The following RYR2 variants were observed in gnomAD, a reference collection of about 807,000 sequenced individuals.
RYR2 encodes the protein ryanodine receptor 2, also known as cardiac muscle ryanodine receptor-calcium release channel.
RYR2 carries 227 observed loss-of-function variants against 601.1 expected under a neutral mutation model. The observed-to-expected ratio is 0.38, with a 90% confidence interval of 0.34 to 0.42. The LOEUF is 0.42. Among genes scored for constraint, RYR2 ranks in the 10% least tolerant of loss-of-function variants. RYR2 has a pLI of 1.00. For missense variants in RYR2, 4,646 were observed against 6,156.5 expected (o/e 0.75, Z 8.21); for synonymous variants, 2,223 against 2,175.1 (o/e 1.02, Z -0.61).
In RYR2 at chr1:237,545,202, G is replaced by C. The variant is rs74150110; in HGVS notation, c.2907-3229G>C. Among the ~76,000 whole-genome samples, 936 of 152,300 alleles carry C rather than the reference G, an allele frequency of 6.1e-3. 8 individuals carry two copies. Among genetic ancestry groups the C allele is most frequent in the African/African-American group, 0.022 (900 of 41,568 alleles). On this transcript the variant is annotated intron_variant, in intron 25 of 104. Coordinates refer to ENST00000366574, the MANE Select transcript of RYR2 (RefSeq NM_001035.3). Reference sequence around the variant, plus strand: ...ATTAAAGCAATTCTAGAAGAAATCTGTATGGGAAGAAAACAATGTAGAAAA... The same window carrying C: ...ATTAAAGCAATTCTAGAAGAAATCTCTATGGGAAGAAAACAATGTAGAAAA...
intron 57 of RYR2, among the ~76,000 whole-genome samples, chr1:237,667,659 T>A (rs1362121326): frequency 6.6e-6 from 1 of 152,208 alleles, no homozygotes; most frequent in Admixed American, 6.5e-5. Context: ...ACATTATGAA[T>A]AACAATGACC....
At chr1:237,461,840 A>T (rs1304125169) in intron 16 of RYR2, among the ~76,000 whole-genome samples, 1 of 109,342 alleles carries the variant, frequency 9.1e-6, no homozygotes, top group Non-Finnish European at 2.1e-5. Context: ...GAATTATGAG[A>T]GTTTTTTTAA....
chr1:237,200,441 T>C (rs1214146658), intron 1 of RYR2, among the ~76,000 whole-genome samples: 2 of 152,146 alleles, frequency 1.3e-5, no homozygotes, highest in African/African-American at 4.8e-5. Context: ...ACTTTTGTAT[T>C]TTTAGTAGAG....
chr1:237,431,828 A>G (rs1404938391), intron 12 of RYR2, among the ~76,000 whole-genome samples: 2 of 152,164 alleles, frequency 1.3e-5, no homozygotes, highest in African/African-American at 2.4e-5. Context: ...GAGTGAATGC[A>G]CCTGGCCAAA....
chr1:237,310,061 C>T (rs186344341), intron 2 of RYR2, among the ~76,000 whole-genome samples: 2 of 152,332 alleles, frequency 1.3e-5, no homozygotes, highest in African/African-American at 4.8e-5. Flanking sequence ...AGGGCTCCCA[C>T]AGTGCAGCAG....
intron 37 of RYR2, among the ~76,000 whole-genome samples, chr1:237,616,664 T>G (rs1240616683): frequency 6.6e-6 from 1 of 152,154 alleles, no homozygotes; most frequent in African/African-American, 2.4e-5. Flanking sequence ...CCCTTATATA[T>G]TTCATTGGCC....
chr1:237,773,412 C>A, intron 86 of RYR2, 108 bp from the exon 87 acceptor site: 1 of 667,184 alleles, frequency 1.5e-6, no homozygotes, highest in Non-Finnish European at 2.5e-6. Context: ...TGTTTGCTAC[C>A]ATATCTATTA....
At chr1:237,364,706 A>G (rs1700057285) in intron 5 of RYR2, among the ~76,000 whole-genome samples, 2 of 73,300 alleles carry the variant, frequency 2.7e-5, no homozygotes, top group African/African-American at 9.4e-5. Context: ...ATATTGTAAC[A>G]TTATATTTAA....
intron 1 of RYR2, among the ~76,000 whole-genome samples, chr1:237,088,218 C>G (rs1666569634): frequency 1.3e-5 from 2 of 152,008 alleles, no homozygotes; most frequent in South Asian, 4.2e-4. Flanking sequence ...GCATGTCTGG[C>G]ATGTTTGCAT....
Position 237,454,384 on chromosome 1 carries a change from A to G in RYR2, c.1293-7A>G, listed in dbSNP as rs1185030643. On this transcript the variant is annotated splice_region_variant and splice_polypyrimidine_tract_variant and intron_variant, in intron 14 of 104. Transcript: ENST00000366574. ...GACAATAGAGAAATGTTTATGGTTT[A>G]TTTTAGGGGCCTTGATGCTCTCAGC... The G allele has an allele frequency of 6.3e-7, 1 of 1,593,434 alleles. No homozygotes were observed. The highest frequency in any genetic ancestry group is 8.5e-7 in the Non-Finnish European group (1 of 1,172,452).
intron 1 of RYR2, among the ~76,000 whole-genome samples, chr1:237,244,817 C>T (rs911963666): frequency 4.0e-5 from 6 of 151,712 alleles, no homozygotes; most frequent in Non-Finnish European, 4.4e-5. Context: ...GACAACGTAC[C>T]GCTTGAATTT....
intron 91 of RYR2, among the ~76,000 whole-genome samples, chr1:237,787,182 AAATTAATTAC>A (rs1657700857): frequency 6.6e-6 from 1 of 152,130 alleles, no homozygotes; most frequent in Non-Finnish European, 1.5e-5. Context: ...TTATTTAATA[AAATTAATTAC>A]AATTAATATA....
chr1:237,806,402 G>C (rs1222377807), intron 99 of RYR2, 119 bp downstream of exon 99: 6 of 965,006 alleles, frequency 6.2e-6, no homozygotes, highest in Non-Finnish European at 7.7e-6. Flanking sequence ...TTTGAAGGGA[G>C]GGTCTGCACC....
chr1:237,541,530 T>C (rs1052652193), intron 25 of RYR2, among the ~76,000 whole-genome samples: 1 of 152,190 alleles, frequency 6.6e-6, no homozygotes, highest in African/African-American at 2.4e-5. Flanking sequence ...CATACTATCA[T>C]ATTATACTTT....
chr1:237,340,164 C>T (rs1697635745), intron 3 of RYR2, among the ~76,000 whole-genome samples: 1 of 152,182 alleles, frequency 6.6e-6, no homozygotes, highest in South Asian at 2.1e-4. Context: ...TTGAGCCAAA[C>T]TAGGACCAAC....
At chr1:237,151,455 T>A (rs997417535) in intron 1 of RYR2, among the ~76,000 whole-genome samples, 6 of 152,190 alleles carry the variant, frequency 3.9e-5, no homozygotes, top group Admixed American at 1.3e-4. Flanking sequence ...TTAGCAATAA[T>A]TCAAATTAAG....
chr1:237,799,694 C>A (rs1160654546), intron 97 of RYR2, among the ~76,000 whole-genome samples: 1 of 152,120 alleles, frequency 6.6e-6, no homozygotes, highest in East Asian at 1.9e-4. Context: ...AAAAGATTAT[C>A]CGATTTCTAT....
At chr1:237,324,886 A>G (rs1696000365) in intron 2 of RYR2, among the ~76,000 whole-genome samples, 1 of 152,192 alleles carries the variant, frequency 6.6e-6, no homozygotes, top group South Asian at 2.1e-4. Flanking sequence ...AGCATAATTA[A>G]CTTGTTTGCT....
At chr1:237,070,307 C>T (rs1664164949) in intron 1 of RYR2, among the ~76,000 whole-genome samples, 1 of 152,126 alleles carries the variant, frequency 6.6e-6, no homozygotes, top group South Asian at 2.1e-4. Flanking sequence ...GCTGGGCCTA[C>T]AGGTGCATGT....
Sources: gnomAD v4.1 joint callset for allele counts (sites outside exome capture counted in the v4.1 genomes callset) on GRCh38, gnomAD v4.1.1 for gene constraint, MANE v1.5 for transcripts, NCBI Gene and HGNC (gene_info 2026-07-23, HGNC 2026-07-21) for gene names.